SLC14A2: variants seen among roughly 807,000 people sequenced by gnomAD.
SLC14A2 encodes the protein urea transporter 2.
In SLC14A2, 91 loss-of-function variants were observed where a neutral mutation model predicts 104.6. The ratio of observed to expected loss-of-function variants is 0.87; its 90% CI spans 0.73 to 1.04. SLC14A2 has a LOEUF of 1.04. Ranked by LOEUF, SLC14A2 falls within the 50% of genes least tolerant of loss-of-function variation. The pLI is 0.00. For missense variants in SLC14A2, 1,189 were observed against 1,156.0 expected (o/e 1.03, Z -0.41); for synonymous variants, 476 against 466.4 (o/e 1.02, Z -0.27).
intron 1 of SLC14A2, among the ~76,000 whole-genome samples, chr18:45,250,605 A>G (rs1292318394): frequency 6.6e-6 from 1 of 151,880 alleles, no homozygotes; most frequent in Non-Finnish European, 1.5e-5. Context: ...CCAGAGCTCT[A>G]TCTGGGGATG....
intron 1 of SLC14A2, among the ~76,000 whole-genome samples, chr18:45,409,079 G>A (rs1461554922): frequency 1.3e-5 from 2 of 152,168 alleles, no homozygotes; most frequent in Non-Finnish European, 2.9e-5. Flanking sequence ...CAGCTGTCCA[G>A]TTGCAGCCCC....
At chr18:45,386,783 G>C (rs1415238462) in intron 1 of SLC14A2, among the ~76,000 whole-genome samples, 1 of 152,174 alleles carries the variant, frequency 6.6e-6, no homozygotes, top group Non-Finnish European at 1.5e-5. Flanking sequence ...ACCTCCAAAA[G>C]ACTCAGTTTC....
intron 1 of SLC14A2, among the ~76,000 whole-genome samples, chr18:45,397,895 C>T (rs1248705238): frequency 6.6e-6 from 1 of 151,450 alleles, no homozygotes; most frequent in Non-Finnish European, 1.5e-5. Context: ...AGTGCCCAGC[C>T]CATGACAAGC....
chr18:45,636,285 C>G (rs532601723), intron 5 of SLC14A2, among the ~76,000 whole-genome samples: 65 of 152,280 alleles, frequency 4.3e-4, no homozygotes, highest in African/African-American at 1.5e-3. Flanking sequence ...TATTTGGTGT[C>G]TAGGGTGGCT....
chr18:45,313,902 T>C (rs1237381577), intron 1 of SLC14A2, among the ~76,000 whole-genome samples: 1 of 152,232 alleles, frequency 6.6e-6, no homozygotes, highest in Non-Finnish European at 1.5e-5. Flanking sequence ...CTCCTGTTTT[T>C]ATTGTTGAAA....
At chr18:45,231,969 G>A (rs531468028) in intron 1 of SLC14A2, among the ~76,000 whole-genome samples, 115 of 152,162 alleles carry the variant, frequency 7.6e-4, no homozygotes, top group African/African-American at 2.6e-3. Flanking sequence ...TGATGAAGCT[G>A]GAAGACTTTC....
chr18:45,632,410 C>G lies in SLC14A2; in HGVS notation c.582C>G (p.Ala194=). 1 of 1,614,020 alleles carries G rather than the reference C, an allele frequency of 6.2e-7. No homozygotes were observed. The highest frequency in any genetic ancestry group is 1.1e-5 in the South Asian group (1 of 91,074). ...YNGMLVGLLM[A]VFSEKLDYYW... ...GGATGCTGGTGGGACTGCTGATGGC[C>G]GTGTTCTCGGAGAAGTTAGACTACT... Residue 194 remains alanine (A), a synonymous_variant, in exon 5 of 20, where the codon GCC becomes GCG. Coordinates refer to ENST00000255226, the MANE Select transcript of SLC14A2 (RefSeq NM_007163.4).
intron 1 of SLC14A2, among the ~76,000 whole-genome samples, chr18:45,260,284 G>C (rs893033005): frequency 3.3e-5 from 5 of 152,186 alleles, no homozygotes; most frequent in Non-Finnish European, 7.3e-5. Context: ...AGTTTAGTTA[G>C]GAAGTCACAA....
intron 2 of SLC14A2, among the ~76,000 whole-genome samples, chr18:45,495,212 G>A (rs1057151249): frequency 2.6e-5 from 4 of 152,188 alleles, no homozygotes; most frequent in Non-Finnish European, 5.9e-5. Context: ...ACAGAGGAAG[G>A]AGGGATAAAA....
chr18:45,656,120 A>G (rs1315778492), intron 10 of SLC14A2, among the ~76,000 whole-genome samples: 2 of 152,230 alleles, frequency 1.3e-5, no homozygotes, highest in African/African-American at 4.8e-5. Context: ...CATTGTAACT[A>G]ACAATAGGAA....
Position 45,655,484 on chromosome 18 carries a change from G to T in SLC14A2, c.1352-8301G>T, listed in dbSNP as rs148737884. The stretch of plus-strand genomic sequence containing the variant: ...TACAATGTCCACACCCTTCTGTGTG[G>T]CTACATTTACTCTAAAGTGCCTGAT... On this transcript the variant is annotated intron_variant, in intron 10 of 19. Transcript: ENST00000255226. Among the ~76,000 whole-genome samples, 1,325 of 152,324 alleles carry T rather than the reference G, an allele frequency of 8.7e-3. 9 individuals carry two copies. The highest frequency in any genetic ancestry group is 0.012 in the Non-Finnish European group (846 of 68,040).
At chr18:45,362,475 C>T (rs768510649) in intron 1 of SLC14A2, among the ~76,000 whole-genome samples, 1 of 152,162 alleles carries the variant, frequency 6.6e-6, no homozygotes, top group Non-Finnish European at 1.5e-5. Flanking sequence ...CAGGGCTATT[C>T]GCATCCAGCC....
chr18:45,177,433 C>T, the SLC14A2 span, among the ~76,000 whole-genome samples: 2 of 152,204 alleles, frequency 1.3e-5, no homozygotes, highest in Non-Finnish European at 2.9e-5. Flanking sequence ...CCTACCTGAG[C>T]TGGCCTAGGC....
At chr18:45,386,867 G>T (rs911507031) in intron 1 of SLC14A2, among the ~76,000 whole-genome samples, 2 of 152,204 alleles carry the variant, frequency 1.3e-5, no homozygotes, top group Non-Finnish European at 2.9e-5. Context: ...GATGATTTGT[G>T]TAAACCACTT....
intron 17 of SLC14A2, 72 bp downstream of exon 17, chr18:45,673,119 C>G: frequency 7.0e-7 from 1 of 1,420,912 alleles, no homozygotes; most frequent in South Asian, 1.2e-5. Context: ...AATGGTGACT[C>G]TCATCTTCAA....
rs557440971 is a variant in SLC14A2 at position 45,643,549 on chromosome 18, G to T, written c.1176+368G>T. On this transcript the variant is annotated intron_variant, in intron 9 of 19. Coordinates refer to ENST00000255226, the MANE Select transcript of SLC14A2 (RefSeq NM_007163.4). The stretch of plus-strand genomic sequence containing the variant: ...TATCTGTTTTGTTTTTGTTTTCTTT[G>T]CAAGACAGGGTCTCGCACTGTTGCC... 8.5e-5 allele frequency among the ~76,000 whole-genome samples: 13 copies of T among 152,164 alleles called. No individual in the cohort carries two copies. In the East Asian group the frequency reaches 1.9e-3, roughly 23 times the overall value.
At chr18:45,434,557 C>T (rs1392275602) in intron 1 of SLC14A2, among the ~76,000 whole-genome samples, 1 of 152,168 alleles carries the variant, frequency 6.6e-6, no homozygotes, top group Admixed American at 6.5e-5. Context: ...AGTGGATTTC[C>T]TGCACAGAAC....
chr18:45,561,436 C>T (rs911163483), intron 2 of SLC14A2, among the ~76,000 whole-genome samples: 1 of 152,138 alleles, frequency 6.6e-6, no homozygotes, highest in Admixed American at 6.5e-5. Context: ...CCAGGTGTTC[C>T]AGAGGCCACG....
At chr18:45,198,530 G>T in the SLC14A2 span, among the ~76,000 whole-genome samples, 1 of 151,990 alleles carries the variant, frequency 6.6e-6, no homozygotes, top group Non-Finnish European at 1.5e-5. Flanking sequence ...TGTACATTTG[G>T]ATTTATTTCT....
Sources: gnomAD v4.1 joint callset for allele counts (sites outside exome capture counted in the v4.1 genomes callset) on GRCh38, gnomAD v4.1.1 for gene constraint, MANE v1.5 for transcripts, NCBI Gene and HGNC (gene_info 2026-07-23, HGNC 2026-07-21) for gene names.